Variants in GPM6A observed in about 807,000 individuals in gnomAD.
GPM6A encodes glycoprotein M6A, also known as neuronal membrane glycoprotein M6-a.
GPM6A carries 7 observed loss-of-function variants against 32.1 expected under a neutral mutation model. That is an observed-to-expected ratio of 0.22 (90% CI 0.12 to 0.41). GPM6A has a LOEUF of 0.41. Ranked by LOEUF, GPM6A falls within the 10% of genes least tolerant of loss-of-function variation. GPM6A has a pLI of 1.00. For missense variants in GPM6A, 235 were observed against 347.2 expected, an observed-to-expected ratio of 0.68 and a Z score of 2.57; for synonymous variants, 130 against 123.4, an observed-to-expected ratio of 1.05 and a Z score of -0.35.
At chr4:175,665,797 T>C (rs1300961460) in intron 3 of GPM6A, among the ~76,000 whole-genome samples, 2 of 151,302 alleles carry the variant, frequency 1.3e-5, no homozygotes, top group Non-Finnish European at 2.9e-5. Flanking sequence ...AAAAAAGGCA[T>C]CATCTTAGTA....
chr4:175,799,671 C>CTTCTTTTTTTT (rs1734384972), intron 1 of GPM6A, among the ~76,000 whole-genome samples: 2 of 122,090 alleles, frequency 1.6e-5, no homozygotes, highest in South Asian at 5.5e-4. Context: ...CAAGTGTTTT[C>CTTCTTTTTTTT]TTTTTTTTTT....
chr4:175,859,133 GTAT>G (rs996022840), intron 1 of GPM6A, among the ~76,000 whole-genome samples: 2 of 152,148 alleles, frequency 1.3e-5, no homozygotes, highest in Non-Finnish European at 2.9e-5. Flanking sequence ...GAGGAAGGAT[GTAT>G]ACATGTTAAA....
chr4:175,870,836 G>A (rs542331777), intron 1 of GPM6A, among the ~76,000 whole-genome samples: 2 of 151,968 alleles, frequency 1.3e-5, no homozygotes, highest in African/African-American at 2.4e-5. Context: ...TCAAAGCCTC[G>A]AAGTCCTCTC....
intron 1 of GPM6A, among the ~76,000 whole-genome samples, chr4:175,886,052 T>C (rs1378560433): frequency 1.3e-5 from 2 of 152,102 alleles, no homozygotes; most frequent in Admixed American, 6.5e-5. Flanking sequence ...TATATATAGC[T>C]AGCAGAAGTT....
intron 1 of GPM6A, among the ~76,000 whole-genome samples, chr4:175,715,308 T>G (rs904297505): frequency 1.3e-5 from 2 of 152,144 alleles, no homozygotes; most frequent in Admixed American, 6.6e-5. Context: ...TTCCCACATC[T>G]TCATGGGTTT....
chr4:175,778,148 A>G (rs1322234691), intron 1 of GPM6A, among the ~76,000 whole-genome samples: 1 of 152,192 alleles, frequency 6.6e-6, no homozygotes, highest in Non-Finnish European at 1.5e-5. Context: ...GGTTGGGCCC[A>G]CCAGAATTCT....
intron 1 of GPM6A, among the ~76,000 whole-genome samples, chr4:175,851,213 T>C (rs904062273): frequency 6.6e-6 from 1 of 151,574 alleles, no homozygotes; most frequent in East Asian, 1.9e-4. Context: ...AAAAATTAGC[T>C]GGGTGTGGTG....
intron 1 of GPM6A, among the ~76,000 whole-genome samples, chr4:175,943,288 A>G (rs1739476230): frequency 6.6e-6 from 1 of 152,124 alleles, no homozygotes; most frequent in South Asian, 2.1e-4. Flanking sequence ...GGGCTGAGAC[A>G]ATGGGGTTTT....
chr4:175,961,430 C>T (rs978411425), intron 1 of GPM6A: 3 of 152,104 alleles, frequency 2.0e-5, no homozygotes, highest in Admixed American at 6.6e-5. Flanking sequence ...CAAATGGACA[C>T]CCCCCAAAAA....
intron 1 of GPM6A, among the ~76,000 whole-genome samples, chr4:175,795,462 A>T (rs1205558099): frequency 6.6e-6 from 1 of 152,144 alleles, no homozygotes; most frequent in Non-Finnish European, 1.5e-5. Flanking sequence ...TTATAAAAGC[A>T]CTGTGGGCTG....
At chr4:175,831,257 C>T (rs1735602397) in intron 1 of GPM6A, among the ~76,000 whole-genome samples, 1 of 151,962 alleles carries the variant, frequency 6.6e-6, no homozygotes, top group Admixed American at 6.6e-5. Context: ...TATACTTTAG[C>T]CTGAAGACAC....
intron 3 of GPM6A, among the ~76,000 whole-genome samples, chr4:175,669,332 C>G (rs1222847271): frequency 6.6e-6 from 1 of 152,108 alleles, no homozygotes. Flanking sequence ...ATGTTTTAAA[C>G]TAAACAAATA....
At chr4:175,640,384 C>G (rs1032904134) in intron 5 of GPM6A, among the ~76,000 whole-genome samples, 190 bp from the exon 6 acceptor site, 1 of 152,112 alleles carries the variant, frequency 6.6e-6, no homozygotes, top group African/African-American at 2.4e-5. Context: ...ATCCTTTCAA[C>G]TTCATCATTA....
intron 1 of GPM6A, among the ~76,000 whole-genome samples, chr4:175,742,020 T>A (rs772193681): frequency 4.6e-5 from 7 of 152,088 alleles, no homozygotes; most frequent in African/African-American, 7.2e-5. Context: ...TAAATGTGTT[T>A]ATGGAACCAA....
intron 1 of GPM6A, among the ~76,000 whole-genome samples, chr4:175,991,231 A>AATTTT (rs1554007436): frequency 8.4e-6 from 1 of 119,060 alleles, no homozygotes. Flanking sequence ...ACTCCCAGCT[A>AATTTT]TTTTTTTTTT....
intron 1 of GPM6A, among the ~76,000 whole-genome samples, chr4:175,954,646 C>A (rs991410911): frequency 6.6e-6 from 1 of 152,184 alleles, no homozygotes; most frequent in Non-Finnish European, 1.5e-5. Flanking sequence ...TCTGGAGAGA[C>A]AATGGAAGTC....
chr4:175,748,043 T>C (rs1469426518), intron 1 of GPM6A, among the ~76,000 whole-genome samples: 1 of 152,184 alleles, frequency 6.6e-6, no homozygotes, highest in Non-Finnish European at 1.5e-5. Flanking sequence ...AATTTTATCG[T>C]GAGATTGTAG....
chr4:175,681,426 A>G (rs1203126247), intron 2 of GPM6A, among the ~76,000 whole-genome samples: 2 of 152,282 alleles, frequency 1.3e-5, no homozygotes, highest in East Asian at 1.9e-4. Flanking sequence ...CCATTTTACC[A>G]TAAGATTTGT....
At chr4:175,892,906 T>C (rs1010755313) in intron 1 of GPM6A, among the ~76,000 whole-genome samples, 2 of 152,202 alleles carry the variant, frequency 1.3e-5, no homozygotes, top group African/African-American at 4.8e-5. Context: ...TTTGGGTGCT[T>C]GGCATTTCAT....
Sources: gnomAD v4.1 joint callset for allele counts (sites outside exome capture counted in the v4.1 genomes callset) on GRCh38, gnomAD v4.1.1 for gene constraint, MANE v1.5 for transcripts, NCBI Gene and HGNC (gene_info 2026-07-23, HGNC 2026-07-21) for gene names.